The following SIL1 variants were observed in gnomAD, a reference collection of about 807,000 sequenced individuals.
SIL1 encodes the protein nucleotide exchange factor SIL1.
SIL1 carries 40 observed loss-of-function variants against 49.1 expected under a neutral mutation model. The observed-to-expected ratio is 0.81, with a 90% CI of 0.63 to 1.06. The LOEUF is 1.06. Among genes scored for constraint, SIL1 ranks in the 50% least tolerant of loss-of-function variants. The probability of loss-of-function intolerance (pLI) is 0.00; values close to 1 mark genes in which losing one functional copy is unlikely to be tolerated. For missense variants in SIL1, 500 were observed against 572.6 expected, an observed-to-expected ratio of 0.87 and a Z score of 1.29; for synonymous variants, 253 against 250.8, an observed-to-expected ratio of 1.01 and a Z score of -0.08.
chr5:139,142,429 G>A (rs1007184844), intron 1 of SIL1, among the ~76,000 whole-genome samples: 1 of 152,070 alleles, frequency 6.6e-6, no homozygotes, highest in African/African-American at 2.4e-5. Flanking sequence ...CATATTAAGA[G>A]AATTATACAA....
intron 3 of SIL1, among the ~76,000 whole-genome samples, chr5:139,068,655 G>GAA (rs745799045): frequency 3.4e-4 from 22 of 64,804 alleles, no homozygotes; most frequent in South Asian, 7.3e-4. Context: ...GAATGAAAAG[G>GAA]AAAAAAAAAA....
intron 7 of SIL1, among the ~76,000 whole-genome samples, chr5:139,020,353 C>T (rs759605289): frequency 3.9e-5 from 6 of 152,184 alleles, no homozygotes; most frequent in Non-Finnish European, 7.3e-5. Context: ...GAAATCTTCT[C>T]GAAACAAAGC....
At chr5:139,144,318 C>T (rs1160036458) in intron 1 of SIL1, among the ~76,000 whole-genome samples, 1 of 151,890 alleles carries the variant, frequency 6.6e-6, no homozygotes, top group African/African-American at 2.4e-5. Flanking sequence ...AGCAAGATCC[C>T]ATCTCTTAAA....
intron 7 of SIL1, among the ~76,000 whole-genome samples, chr5:138,960,235 G>A (rs937930755): frequency 5.3e-5 from 8 of 151,958 alleles, no homozygotes; most frequent in South Asian, 2.1e-4. Flanking sequence ...TTCCTGATCC[G>A]TGCCATCTGT....
chr5:139,026,133 C>A (rs187499043), intron 6 of SIL1, among the ~76,000 whole-genome samples: 1 of 152,182 alleles, frequency 6.6e-6, no homozygotes, highest in Non-Finnish European at 1.5e-5. Flanking sequence ...TCTTACATCA[C>A]CCTCTGGAGC....
intron 7 of SIL1, among the ~76,000 whole-genome samples, chr5:139,020,276 C>T (rs920714351): frequency 2.0e-5 from 3 of 152,214 alleles, no homozygotes; most frequent in Non-Finnish European, 2.9e-5. Flanking sequence ...TGCTGAATGC[C>T]TTTCAGAGTG....
chr5:139,130,851 A>C (rs1011942808), intron 1 of SIL1, among the ~76,000 whole-genome samples: 1 of 152,246 alleles, frequency 6.6e-6, no homozygotes, highest in African/African-American at 2.4e-5. Context: ...CATTATCCCA[A>C]GTGAAATAAG....
intron 1 of SIL1, among the ~76,000 whole-genome samples, chr5:139,143,426 C>T (rs191862860): frequency 1.3e-3 from 195 of 149,884 alleles, no homozygotes; most frequent in Middle Eastern, 6.9e-3. Context: ...GTTAGAGTAG[C>T]GGGGCGTAAT....
intron 7 of SIL1, among the ~76,000 whole-genome samples, chr5:138,957,341 T>C (rs575585910): frequency 2.7e-4 from 40 of 147,606 alleles, no homozygotes; most frequent in South Asian, 2.2e-3. Flanking sequence ...CAGGCTAAGG[T>C]GGGAGGACTG....
At chr5:139,144,932 C>T (rs1315819956) in intron 1 of SIL1, among the ~76,000 whole-genome samples, 1 of 152,028 alleles carries the variant, frequency 6.6e-6, no homozygotes, top group Non-Finnish European at 1.5e-5. Flanking sequence ...CCTTCATGAC[C>T]TTGGATTCGG....
At chr5:138,976,205 A>G (rs1404508941) in intron 7 of SIL1, among the ~76,000 whole-genome samples, 1 of 151,876 alleles carries the variant, frequency 6.6e-6, no homozygotes. Flanking sequence ...CGATGCCCAT[A>G]CCTCTGCCTC....
intron 7 of SIL1, among the ~76,000 whole-genome samples, chr5:138,965,164 G>A (rs114520115): frequency 2.0e-4 from 30 of 152,308 alleles, no homozygotes; most frequent in African/African-American, 7.2e-4. Context: ...GGCCTTGCTT[G>A]TCAGACACTT....
intron 1 of SIL1, among the ~76,000 whole-genome samples, chr5:139,140,548 G>A (rs185543491): frequency 3.1e-3 from 473 of 152,242 alleles, no homozygotes; most frequent in African/African-American, 0.011. Flanking sequence ...ACTTGAAAGG[G>A]AGATGAATTT....
chr5:139,068,977 G>A (rs532773466), intron 3 of SIL1, among the ~76,000 whole-genome samples: 95 of 152,214 alleles, frequency 6.2e-4, no homozygotes, highest in Non-Finnish European at 9.4e-4. Flanking sequence ...TGAGGTGCTA[G>A]AGGCTGTGTA....
At chr5:139,088,568 G>A (rs1470208785) in intron 3 of SIL1, among the ~76,000 whole-genome samples, 1 of 152,214 alleles carries the variant, frequency 6.6e-6, no homozygotes, top group Non-Finnish European at 1.5e-5. Context: ...TGGACTCCAA[G>A]CTATTCCAGC....
chr5:139,110,040 G>A (rs993223774), intron 3 of SIL1, among the ~76,000 whole-genome samples: 6 of 152,032 alleles, frequency 3.9e-5, no homozygotes, highest in East Asian at 3.9e-4. Flanking sequence ...ATGGTGGCAC[G>A]CGCCTGTAGT....
chr5:139,032,949 G>A (rs893293409), intron 5 of SIL1: 1 of 151,974 alleles, frequency 6.6e-6, no homozygotes, highest in Non-Finnish European at 1.5e-5. Context: ...TTATCTTAGT[G>A]CTTTATGTGT....
In SIL1 at chr5:138,948,416, C is replaced by T. The variant is rs1766683529; in HGVS notation, c.1030-943G>A. On this transcript the variant is annotated intron_variant, in intron 9 of 9. Transcript: ENST00000394817. This position sits in a 1 kb window ranked among gnomAD's most constrained non-coding sequence, Gnocchi z 4.8. ...CCTTTGTCCCTTGTGTCCTGCGATC[C>T]AGTGCCTCCTGCTCTCACCCTCTCC... is the stretch of plus-strand genomic sequence containing the variant. 6.6e-6 allele frequency among the ~76,000 whole-genome samples: 1 copy of T among 152,188 alleles called. No homozygotes were observed. Among genetic ancestry groups the T allele is most frequent in the Non-Finnish European group, 1.5e-5 (1 of 68,032 alleles).
At chr5:139,071,886 T>A (rs1301774365) in intron 3 of SIL1, among the ~76,000 whole-genome samples, 2 of 151,920 alleles carry the variant, frequency 1.3e-5, no homozygotes, top group Non-Finnish European at 2.9e-5. Context: ...AGGCTGGTCT[T>A]GAACTCCTGA....
Sources: gnomAD v4.1 joint callset for allele counts (sites outside exome capture counted in the v4.1 genomes callset) on GRCh38, gnomAD v4.1.1 for gene constraint, Gnocchi (gnomAD v3.1) non-coding constraint, MANE v1.5 for transcripts, NCBI Gene and HGNC (gene_info 2026-07-23, HGNC 2026-07-21) for gene names.